Variants in PCDHA12 observed in about 807,000 individuals in gnomAD.
PCDHA12 encodes protocadherin alpha 12.
PCDHA12 carries 44 observed loss-of-function variants against 60.0 expected under a neutral mutation model. The observed-to-expected ratio is 0.73, with a 90% CI of 0.58 to 0.94. The LOEUF is 0.94. Ranked by LOEUF, PCDHA12 falls within the 40% of genes least tolerant of loss-of-function variation. The pLI is 0.00. For synonymous variants in PCDHA12, 569 were observed against 553.0 expected (o/e 1.03, Z -0.40); for missense variants, 1,276 against 1,239.7 (o/e 1.03, Z -0.44).
intron 1 of PCDHA12, chr5:140,928,185 C>CA: frequency 1.2e-6 from 2 of 1,614,184 alleles, no homozygotes; most frequent in Non-Finnish European, 1.7e-6. Context: ...GAAGGACAAT[C>CA]ACTGTGTCAG....
intron 1 of PCDHA12, chr5:140,966,454 C>G (rs897696652): frequency 1.6e-5 from 7 of 426,406 alleles, no homozygotes; most frequent in Non-Finnish European, 1.6e-5. Flanking sequence ...TCCCCCTCCC[C>G]CTCTGTCTTC....
chr5:140,882,347 G>A (rs1554173687), intron 1 of PCDHA12: 3 of 1,614,198 alleles, frequency 1.9e-6, no homozygotes, highest in South Asian at 2.2e-5. Context: ...CTGGGAGACG[G>A]GTAGTGGCCA....
chr5:140,941,255 C>CTTTCTTTCTTTCTTTCTTTCTCTT (rs782490896), intron 1 of PCDHA12, among the ~76,000 whole-genome samples: 1 of 44,508 alleles, frequency 2.2e-5, no homozygotes, highest in Non-Finnish European at 5.1e-5. Flanking sequence ...TTCTTTCTTT[C>CTTTCTTTCTTTCTTTCTTTCTCTT]TCTTTCTTTC....
Position 140,974,586 on chromosome 5 carries a change from A to G in PCDHA12, c.2368-4363A>G, listed in dbSNP as rs150396044. Among the ~76,000 whole-genome samples, 599 of 152,220 alleles carry G rather than the reference A, an allele frequency of 3.9e-3. 3 individuals carry two copies. Among genetic ancestry groups the G allele is most frequent in the African/African-American group, 0.014 (565 of 41,540 alleles). On this transcript the variant is annotated intron_variant, in intron 1 of 3. Transcript: ENST00000398631. The stretch of plus-strand genomic sequence containing the variant: ...GAGTGCAATGGCATGATCTTGGCTC[A>G]CTGCAACCTCTGCCTCCAGGGTTCA...
chr5:140,907,158 T>C (rs1482177408), intron 1 of PCDHA12, among the ~76,000 whole-genome samples: 1 of 152,146 alleles, frequency 6.6e-6, no homozygotes, highest in Non-Finnish European at 1.5e-5. Flanking sequence ...AACAGTACCA[T>C]ATATTGGATG....
In PCDHA12 at chr5:141,011,512, G is replaced by A. The variant is rs561564688; in HGVS notation, c.*1575G>A. On this transcript the variant is annotated 3_prime_UTR_variant, in exon 4 of 4. Coordinates refer to ENST00000398631, the MANE Select transcript of PCDHA12 (RefSeq NM_018903.4). ...TGTACACCTGTGAAAAAGTGGAGTAGTGTTTTTTTAACCATTGTTAATCAG... is the reference window on the plus strand; with the variant it reads ...TGTACACCTGTGAAAAAGTGGAGTAATGTTTTTTTAACCATTGTTAATCAG... 9 of 153,844 alleles carry A rather than the reference G, an allele frequency of 5.9e-5. No homozygotes were observed. Among genetic ancestry groups the A allele is most frequent in the African/African-American group, 2.2e-4 (9 of 41,570 alleles). 9.5% of individuals were successfully genotyped at this position (153,844 alleles called of 1,614,324 possible).
chr5:140,909,516 C>G (rs1213307040), intron 1 of PCDHA12, among the ~76,000 whole-genome samples: 1 of 152,152 alleles, frequency 6.6e-6, no homozygotes, highest in Non-Finnish European at 1.5e-5. Context: ...GAATCACAAC[C>G]CCTGCACATT....
intron 1 of PCDHA12, among the ~76,000 whole-genome samples, chr5:140,915,711 C>T (rs1159509465): frequency 1.3e-5 from 2 of 151,812 alleles, no homozygotes; most frequent in African/African-American, 2.4e-5. Flanking sequence ...CTCCTGTGGC[C>T]CCCACTTTGG....
At position 140,877,253 on chromosome 5, in the gene PCDHA12, T is replaced by G. The variant is rs2056969600; in HGVS notation, c.1781T>G (p.Val594Gly). ...SVGAGHVVAKVRAVDADSGYN... is the reference protein window; with the variant it reads ...SVGAGHVVAKGRAVDADSGYN... ...GGTGCGGGCCACGTGGTGGCGAAAG[T>G]GCGCGCGGTGGACGCTGACTCCGGC... The change falls in exon 1 of 4, where the codon GTG becomes GGG. Residue 594 changes from valine to glycine, a missense_variant. Val to Gly is a moderately radical substitution (Grantham distance 109). Transcript: ENST00000398631. 1.2e-6 allele frequency: 2 copies of G among 1,613,576 alleles called. No individual in the cohort carries two copies. The highest frequency in any genetic ancestry group is 8.5e-7 in the Non-Finnish European group (1 of 1,179,764).
chr5:140,941,251 C>CT (rs1177440606), intron 1 of PCDHA12, among the ~76,000 whole-genome samples: 1 of 121,786 alleles, frequency 8.2e-6, no homozygotes, highest in Non-Finnish European at 1.8e-5. Context: ...TTCTTTCTTT[C>CT]TTTCTCTTTC....
chr5:140,962,028 C>T (rs1046578713), intron 1 of PCDHA12, among the ~76,000 whole-genome samples: 81 of 152,150 alleles, frequency 5.3e-4, no homozygotes, highest in African/African-American at 1.8e-3. Context: ...GGACTACAGG[C>T]ACCCACCACC....
chr5:140,930,092 A>G (rs1554207604), intron 1 of PCDHA12: 1 of 152,204 alleles, frequency 6.6e-6, no homozygotes, highest in East Asian at 1.9e-4. Context: ...ACATCTATTT[A>G]TACTGATAGG....
chr5:140,978,217 A>G (rs1554239114), intron 1 of PCDHA12, among the ~76,000 whole-genome samples: 2 of 152,222 alleles, frequency 1.3e-5, no homozygotes, highest in East Asian at 1.9e-4. Flanking sequence ...TGCAAAATGT[A>G]TCAGGTTTTT....
chr5:140,911,724 C>T (rs1255448143), intron 1 of PCDHA12, among the ~76,000 whole-genome samples: 1 of 151,192 alleles, frequency 6.6e-6, no homozygotes, highest in Non-Finnish European at 1.5e-5. Context: ...ACTCTGTAAA[C>T]AGTTCGTGCC....
At position 141,012,035 on chromosome 5, in the gene PCDHA12, G is replaced by A. The variant is rs908623831; in HGVS notation, c.*2098G>A. The A allele has an allele frequency of 1.3e-5, 2 of 153,684 alleles. No individual in the cohort carries two copies. The highest frequency in any genetic ancestry group is 2.9e-5 in the Non-Finnish European group (2 of 68,026). The allele number at this position is 153,684 out of a possible 1,614,324, so 9.5% of individuals were successfully genotyped here. A position where few individuals can be genotyped will look rare whatever the true frequency, so the allele number is the denominator to read the frequency against. On this transcript the variant is annotated 3_prime_UTR_variant, in exon 4 of 4. Coordinates refer to ENST00000398631, the MANE Select transcript of PCDHA12 (RefSeq NM_018903.4). The stretch of plus-strand genomic sequence containing the variant: ...TGTGTAACTTCAGCTCTGCAGGATT[G>A]CATGGGGTAAAACTTGTTACCAACA...
chr5:140,939,388 A>C, intron 1 of PCDHA12, among the ~76,000 whole-genome samples: 1 of 152,232 alleles, frequency 6.6e-6, no homozygotes, highest in East Asian at 1.9e-4. Context: ...CATTCAGATC[A>C]TAGCAAGTTT....
intron 1 of PCDHA12, chr5:140,928,465 G>A: frequency 6.2e-7 from 1 of 1,614,168 alleles, no homozygotes; most frequent in Non-Finnish European, 8.5e-7. Context: ...TCATTTCCAA[G>A]TAGAAGGCCG....
intron 1 of PCDHA12, among the ~76,000 whole-genome samples, chr5:140,909,761 TC>T (rs1308608657): frequency 1.3e-5 from 2 of 152,052 alleles, no homozygotes; most frequent in Admixed American, 6.5e-5. Context: ...ACAGGATGAG[TC>T]CAGGGACCCA....
intron 1 of PCDHA12, chr5:140,926,866 G>C: frequency 6.6e-7 from 1 of 1,524,204 alleles, no homozygotes; most frequent in Non-Finnish European, 8.8e-7. Flanking sequence ...GTAGCGTGTT[G>C]GTGGAACGTG....
Sources: allele counts gnomAD v4.1 joint callset (sites outside exome capture counted in the v4.1 genomes callset), GRCh38; gene constraint gnomAD v4.1.1; transcripts MANE v1.5; gene names NCBI Gene and HGNC (gene_info 2026-07-23, HGNC 2026-07-21).